FNDC3B: variants seen among roughly 807,000 people sequenced by gnomAD.
The protein encoded by FNDC3B is fibronectin type III domain-containing protein 3B.
Under a neutral mutation model 151.5 loss-of-function variants are expected in FNDC3B, and 12 were observed. The ratio of observed to expected loss-of-function variants is 0.08; its 90% CI spans 0.05 to 0.13. FNDC3B has a LOEUF of 0.13. Among genes scored for constraint, FNDC3B ranks in the 10% least tolerant of loss-of-function variants. FNDC3B has a pLI of 1.00. For synonymous variants in FNDC3B, 528 were observed against 549.0 expected, an observed-to-expected ratio of 0.96 and a Z score of 0.54; for missense variants, 1,214 against 1,505.3, an observed-to-expected ratio of 0.81 and a Z score of 3.20.
At chr3:172,115,686 A>G (rs939763035) in intron 2 of FNDC3B, among the ~76,000 whole-genome samples, 1 of 152,168 alleles carries the variant, frequency 6.6e-6, no homozygotes, top group Non-Finnish European at 1.5e-5. Context: ...ACTGTACAAC[A>G]GACCCTCGGC....
rs954402845 is a variant in FNDC3B at position 172,395,799 on chromosome 3, G to A, written c.3304-1365G>A. On this transcript the variant is annotated intron_variant, in intron 25 of 25. Coordinates refer to ENST00000415807, the MANE Select transcript of FNDC3B (RefSeq NM_022763.4). Reference sequence around the variant, plus strand: ...TTGTACATATTATTCACAGAAGAAGGTACATGAACAACCAGTAAGCACGTG... The same window carrying A: ...TTGTACATATTATTCACAGAAGAAGATACATGAACAACCAGTAAGCACGTG... Among the ~76,000 whole-genome samples, 10 of 152,174 alleles carry A rather than the reference G, an allele frequency of 6.6e-5. No homozygotes were observed. The East Asian group carries it at 1.9e-3, about 29-fold the overall frequency.
intron 1 of FNDC3B, among the ~76,000 whole-genome samples, chr3:172,043,171 G>T (rs1200778194): frequency 2.0e-5 from 3 of 152,090 alleles, no homozygotes; most frequent in Non-Finnish European, 4.4e-5. Flanking sequence ...CCCGCCTCGG[G>T]CTCCCAGAGT....
chr3:172,358,589 G>A (rs1164315236), intron 22 of FNDC3B, among the ~76,000 whole-genome samples: 5 of 152,202 alleles, frequency 3.3e-5, no homozygotes, highest in South Asian at 2.1e-4. Context: ...TAGTGCAGCC[G>A]CAGTGAAGAC....
chr3:172,334,896 G>T, intron 14 of FNDC3B, 48 bp from the exon 15 acceptor site: 2 of 1,558,022 alleles, frequency 1.3e-6, no homozygotes, highest in South Asian at 2.3e-5. Flanking sequence ...TTAATTTAAT[G>T]ATCCCTGATA....
intron 11 of FNDC3B, among the ~76,000 whole-genome samples, chr3:172,323,322 C>A (rs935110810): frequency 6.6e-6 from 1 of 151,854 alleles, no homozygotes; most frequent in Non-Finnish European, 1.5e-5. Context: ...GCCAGGGGTT[C>A]GAGATCAGCC....
intron 4 of FNDC3B, among the ~76,000 whole-genome samples, chr3:172,229,959 T>A (rs1308270797): frequency 6.6e-6 from 1 of 152,104 alleles, no homozygotes; most frequent in Non-Finnish European, 1.5e-5. Flanking sequence ...GATATCCACA[T>A]GCAAAAAGAG....
chr3:172,158,719 A>T (rs577876041), intron 3 of FNDC3B, among the ~76,000 whole-genome samples: 1 of 152,300 alleles, frequency 6.6e-6, no homozygotes, highest in South Asian at 2.1e-4. Context: ...GTCTACTCCC[A>T]GACTCCAAAG....
chr3:172,358,996 GTGGTGGTGGTGGTGGTGGTGGTGA>G (rs1734233795), intron 22 of FNDC3B, among the ~76,000 whole-genome samples: 1 of 144,120 alleles, frequency 6.9e-6, no homozygotes, highest in Non-Finnish European at 1.5e-5. Flanking sequence ...GGTGGTGGTG[GTGGTGGTGGTGGTGGTGGTGGTGA>G]TGGTGGCGGT....
chr3:172,221,924 T>A (rs1726294778), intron 3 of FNDC3B, among the ~76,000 whole-genome samples: 1 of 152,240 alleles, frequency 6.6e-6, no homozygotes, highest in African/African-American at 2.4e-5. Flanking sequence ...GTTTACCTAC[T>A]AGCTGTGGCC....
chr3:172,200,921 G>A (rs557604251), intron 3 of FNDC3B, among the ~76,000 whole-genome samples: 21 of 152,220 alleles, frequency 1.4e-4, no homozygotes, highest in Admixed American at 1.1e-3. Context: ...CCCAGCACCC[G>A]AGTACCTTTC....
chr3:172,087,625 TA>T (rs983645049), intron 1 of FNDC3B, among the ~76,000 whole-genome samples: 10 of 152,084 alleles, frequency 6.6e-5, no homozygotes, highest in African/African-American at 2.4e-5. Context: ...TGCTGCTGAT[TA>T]AAAAAAATTT....
In FNDC3B at chr3:172,244,004, A is replaced by G. The variant is rs894242462; in HGVS notation, c.265-3529A>G. Among the ~76,000 whole-genome samples the G allele has an allele frequency of 4.6e-5, 7 of 152,234 alleles. No homozygotes were observed. The East Asian group carries it at 1.3e-3, about 29-fold the overall frequency. ...GGTCATAGAGCTGGAAAAAATTTAGATGAAGAATATTTATTCTGATTTCTG... is the reference window on the plus strand; with the variant it reads ...GGTCATAGAGCTGGAAAAAATTTAGGTGAAGAATATTTATTCTGATTTCTG... On this transcript the variant is annotated intron_variant, in intron 4 of 25. Coordinates refer to ENST00000415807, the MANE Select transcript of FNDC3B (RefSeq NM_022763.4).
intron 2 of FNDC3B, among the ~76,000 whole-genome samples, chr3:172,120,567 T>TGG (rs142265664): frequency 2.0e-4 from 30 of 149,738 alleles, no homozygotes; most frequent in African/African-American, 4.7e-4. Flanking sequence ...CATACAGGCA[T>TGG]GGGGGGGGGT....
chr3:172,294,135 G>T (rs1730474322), intron 7 of FNDC3B, among the ~76,000 whole-genome samples: 1 of 152,204 alleles, frequency 6.6e-6, no homozygotes, highest in Non-Finnish European at 1.5e-5. Flanking sequence ...TTTAGGTTGG[G>T]TTTCTCCAGA....
chr3:172,152,418 C>T (rs796943820), intron 3 of FNDC3B, among the ~76,000 whole-genome samples: 1 of 152,140 alleles, frequency 6.6e-6, no homozygotes, highest in East Asian at 1.9e-4. Flanking sequence ...AATCAGACTG[C>T]CTTTGCTGTG....
At chr3:172,296,053 C>T (rs1179753216) in intron 8 of FNDC3B, among the ~76,000 whole-genome samples, 1 of 152,192 alleles carries the variant, frequency 6.6e-6, no homozygotes, top group Non-Finnish European at 1.5e-5. Flanking sequence ...GCTCTGTGGA[C>T]TCCCAGGTAT....
At chr3:172,164,615 G>T (rs1180969725) in intron 3 of FNDC3B, among the ~76,000 whole-genome samples, 1 of 152,172 alleles carries the variant, frequency 6.6e-6, no homozygotes, top group African/African-American at 2.4e-5. Context: ...ATTTAAGTGC[G>T]AAGAAATGGG....
intron 1 of FNDC3B, among the ~76,000 whole-genome samples, chr3:172,082,706 C>G (rs1718344880): frequency 6.6e-6 from 1 of 152,160 alleles, no homozygotes; most frequent in Admixed American, 6.5e-5. Context: ...TGTGGGTAAA[C>G]AGATTCAGGC....
intron 3 of FNDC3B, among the ~76,000 whole-genome samples, chr3:172,209,971 C>G (rs929168456): frequency 1.3e-5 from 2 of 152,264 alleles, no homozygotes; most frequent in South Asian, 2.1e-4. Flanking sequence ...CAACAGTGCC[C>G]AGGCTCAGCC....
Sources: gnomAD v4.1 joint callset for allele counts (sites outside exome capture counted in the v4.1 genomes callset) on GRCh38, gnomAD v4.1.1 for gene constraint, MANE v1.5 for transcripts, NCBI Gene and HGNC (gene_info 2026-07-23, HGNC 2026-07-21) for gene names.